PLPP1: variants seen among roughly 807,000 people sequenced by gnomAD.
PLPP1 encodes phospholipid phosphatase 1.
PLPP1 carries 24 observed loss-of-function variants against 31.2 expected under a neutral mutation model. The ratio of observed to expected loss-of-function variants is 0.77; its 90% CI spans 0.56 to 1.08. PLPP1 has a LOEUF of 1.08. Among genes scored for constraint, PLPP1 ranks in the 50% least tolerant of loss-of-function variants. The probability of loss-of-function intolerance (pLI) is 0.00; values close to 1 mark genes in which losing one functional copy is unlikely to be tolerated. For missense variants in PLPP1, 319 were observed against 342.7 expected, an observed-to-expected ratio of 0.93 and a Z score of 0.55; for synonymous variants, 146 against 126.3, an observed-to-expected ratio of 1.16 and a Z score of -1.05.
intron 4 of PLPP1, among the ~76,000 whole-genome samples, chr5:55,441,048 T>C (rs181074288): frequency 2.0e-5 from 3 of 152,148 alleles, no homozygotes; most frequent in East Asian, 1.9e-4. Flanking sequence ...CCCAAATATA[T>C]AGTGTTTTAT....
At chr5:55,478,690 A>ATT (rs2111820196) in intron 1 of PLPP1, among the ~76,000 whole-genome samples, 1 of 152,280 alleles carries the variant, frequency 6.6e-6, no homozygotes, top group South Asian at 2.1e-4. Context: ...GAGTGGGGTA[A>ATT]GGGCAGGTCA....
At chr5:55,500,557 C>T (rs1349375157) in intron 1 of PLPP1, among the ~76,000 whole-genome samples, 1 of 152,058 alleles carries the variant, frequency 6.6e-6, no homozygotes, top group African/African-American at 2.4e-5. Context: ...AACTTATTTT[C>T]TACTGTATAT....
At chr5:55,425,484 G>T in intron 5 of PLPP1, 150 bp from the exon 6 acceptor site, 1 of 681,432 alleles carries the variant, frequency 1.5e-6, no homozygotes, top group Non-Finnish European at 2.2e-6. Context: ...AGACTAACTG[G>T]GATTTTTTAA....
intron 2 of PLPP1, among the ~76,000 whole-genome samples, chr5:55,468,790 C>G (rs948231450): frequency 7.9e-5 from 12 of 152,044 alleles, no homozygotes; most frequent in Non-Finnish European, 1.6e-4. Context: ...GCAACAAGAG[C>G]AAGACTCCGT....
intron 1 of PLPP1, among the ~76,000 whole-genome samples, chr5:55,515,082 A>C (rs1285683910): frequency 2.6e-5 from 4 of 152,242 alleles, no homozygotes; most frequent in Admixed American, 2.6e-4. Context: ...CTAAATAATC[A>C]ACTGTGCGAC....
At position 55,442,960 on chromosome 5, in the gene PLPP1, T is replaced by C. The variant is rs184614269; in HGVS notation, c.492-1052A>G. Among the ~76,000 whole-genome samples the C allele has an allele frequency of 1.3e-3, 203 of 151,570 alleles. 2 individuals carry two copies. The Middle Eastern group carries it at 0.024, about 18-fold the overall frequency. On this transcript the variant is annotated intron_variant, in intron 3 of 5. Transcript: ENST00000307259. Reference sequence around the variant, plus strand: ...TGCTCATGCAAATAACTAGAATGCATCTCCCAACCACTTTTCCCTACGTAA... The same window carrying C: ...TGCTCATGCAAATAACTAGAATGCACCTCCCAACCACTTTTCCCTACGTAA...
chr5:55,497,708 G>A (rs182551615), intron 1 of PLPP1, among the ~76,000 whole-genome samples: 5 of 152,272 alleles, frequency 3.3e-5, no homozygotes, highest in Admixed American at 2.0e-4. Flanking sequence ...TTTAAGGAGA[G>A]TTTAAGAAAG....
intron 1 of PLPP1, among the ~76,000 whole-genome samples, chr5:55,521,305 T>C (rs888695737): frequency 1.1e-4 from 16 of 151,206 alleles, no homozygotes; most frequent in African/African-American, 3.2e-4. Context: ...TGAGCCGAGA[T>C]TGCGCCACTG....
At chr5:55,428,851 C>T (rs573989303) in intron 4 of PLPP1, among the ~76,000 whole-genome samples, 1 of 152,324 alleles carries the variant, frequency 6.6e-6, no homozygotes, top group African/African-American at 2.4e-5. Flanking sequence ...AGTTACTTCT[C>T]TTTTAAGAGT....
Position 55,434,078 on chromosome 5 carries a change from G to A in PLPP1, c.549+7773C>T, listed in dbSNP as rs181130389. Among the ~76,000 whole-genome samples, 200 of 149,192 alleles carry A rather than the reference G, an allele frequency of 1.3e-3. 1 individual carries two copies. In the Middle Eastern group the frequency reaches 0.017, roughly 13 times the overall value. ...TAGGAGGTGGAGGTTGCAGTGAGCC[G>A]AGATCGCACCACTGCACTCCAGCCT... is the stretch of plus-strand genomic sequence containing the variant. On this transcript the variant is annotated intron_variant, in intron 4 of 5. Transcript: ENST00000307259.
In PLPP1 at chr5:55,425,164, T is replaced by A; in HGVS notation, c.*42A>T. 1 of 1,587,238 alleles carries A rather than the reference T, an allele frequency of 6.3e-7. No individual in the cohort carries two copies. The highest frequency in any genetic ancestry group is 2.2e-5 in the East Asian group (1 of 44,698). ...TCTTGCCTTGTGGCAATCATTTTCCTTTAGAAAACAGGCCAGCTTCACCTG... is the reference window on the plus strand; with the variant it reads ...TCTTGCCTTGTGGCAATCATTTTCCATTAGAAAACAGGCCAGCTTCACCTG... On this transcript the variant is annotated 3_prime_UTR_variant, in exon 6 of 6. Coordinates refer to ENST00000307259, the MANE Select transcript of PLPP1 (RefSeq NM_003711.4).
chr5:55,507,200 T>C lies in PLPP1; in HGVS notation c.58+27372A>G, dbSNP rs537949032. 3.9e-5 allele frequency among the ~76,000 whole-genome samples: 6 copies of C among 152,328 alleles called. No individual in the cohort carries two copies. The South Asian group carries it at 1.0e-3, about 26-fold the overall frequency. ...AAAAAGTTTGCCAGATAAGACAGCT[T>C]GTTTCCTCTGTAGGTCAAGTATACA... is the stretch of plus-strand genomic sequence containing the variant. On this transcript the variant is annotated intron_variant, in intron 1 of 5. Transcript: ENST00000307259.
chr5:55,522,696 G>A (rs1021877599), intron 1 of PLPP1, among the ~76,000 whole-genome samples: 1 of 5,614 alleles, frequency 1.8e-4, no homozygotes, highest in Non-Finnish European at 8.3e-4. Context: ...TAATCATTTT[G>A]TTTTGTTTTG....
intron 1 of PLPP1, among the ~76,000 whole-genome samples, chr5:55,522,058 C>T (rs1011926896): frequency 7.2e-5 from 11 of 152,138 alleles, no homozygotes; most frequent in Non-Finnish European, 1.3e-4. Context: ...ATGTCATTTT[C>T]CTGGACACCC....
intron 1 of PLPP1, among the ~76,000 whole-genome samples, chr5:55,500,726 G>T (rs377214343): frequency 6.6e-6 from 1 of 152,170 alleles, no homozygotes; most frequent in Admixed American, 6.5e-5. Flanking sequence ...TGTGAAGACA[G>T]AATAGACGGC....
chr5:55,468,670 G>A (rs780558259), intron 2 of PLPP1, among the ~76,000 whole-genome samples: 9 of 152,092 alleles, frequency 5.9e-5, no homozygotes, highest in Non-Finnish European at 1.2e-4. Context: ...AGGCATGAAG[G>A]TGGGTGCCTG....
Position 55,438,916 on chromosome 5 carries a change from G to A in PLPP1, c.549+2935C>T, listed in dbSNP as rs1281119287. 6.6e-5 allele frequency among the ~76,000 whole-genome samples: 10 copies of A among 150,866 alleles called. No individual in the cohort carries two copies. The East Asian group carries it at 1.8e-3, about 26-fold the overall frequency. On this transcript the variant is annotated intron_variant, in intron 4 of 5. Transcript: ENST00000307259. ...ACTCCGTCTAAAAAAAAAAAAAAAA[G>A]TTGTACATAAATGTAAAAAGCAAGG...
chr5:55,503,384 T>G (rs1753187243), intron 1 of PLPP1, among the ~76,000 whole-genome samples: 1 of 152,138 alleles, frequency 6.6e-6, no homozygotes, highest in Non-Finnish European at 1.5e-5. Context: ...GAACACCAAA[T>G]CTCACTCAAG....
At chr5:55,467,523 A>G (rs533620551) in intron 3 of PLPP1, among the ~76,000 whole-genome samples, 21 of 132,932 alleles carry the variant, frequency 1.6e-4, no homozygotes, top group Admixed American at 4.4e-4. Context: ...TAGTCTCTAC[A>G]AAATAATAAT....
Sources: allele counts gnomAD v4.1 joint callset (sites outside exome capture counted in the v4.1 genomes callset), GRCh38; gene constraint gnomAD v4.1.1; transcripts MANE v1.5; gene names NCBI Gene and HGNC (gene_info 2026-07-23, HGNC 2026-07-21).